SMOC1: variants seen among roughly 807,000 people sequenced by gnomAD.
The protein encoded by SMOC1 is SPARC related modular calcium binding 1, also known as SPARC-related modular calcium-binding protein 1.
SMOC1 carries 22 observed loss-of-function variants against 56.3 expected under a neutral mutation model. The observed-to-expected ratio is 0.39, with a 90% CI of 0.28 to 0.56. SMOC1 has a LOEUF of 0.56. Among genes scored for constraint, SMOC1 ranks in the 20% least tolerant of loss-of-function variants. The pLI is 0.61. For synonymous variants in SMOC1, 193 were observed against 215.0 expected (o/e 0.90, Z 0.89); for missense variants, 509 against 565.4 (o/e 0.90, Z 1.01).
intron 1 of SMOC1, among the ~76,000 whole-genome samples, chr14:69,915,313 C>A (rs1027927565): frequency 3.3e-5 from 5 of 152,218 alleles, no homozygotes; most frequent in Non-Finnish European, 7.3e-5. Context: ...CTACCCATGT[C>A]TGTGCCCTGA....
At chr14:69,896,193 A>G (rs1884095002) in intron 1 of SMOC1, among the ~76,000 whole-genome samples, 1 of 152,080 alleles carries the variant, frequency 6.6e-6, no homozygotes, top group African/African-American at 2.4e-5. Context: ...TTGTGAATGA[A>G]ATTCACCTCC....
intron 1 of SMOC1, among the ~76,000 whole-genome samples, chr14:69,936,419 T>C (rs1594811334): frequency 6.6e-6 from 1 of 152,260 alleles, no homozygotes; most frequent in African/African-American, 2.4e-5. Flanking sequence ...GTAATGCTAA[T>C]GACACTGTTG....
intron 3 of SMOC1, among the ~76,000 whole-genome samples, chr14:69,974,455 C>T (rs1273298050): frequency 6.6e-6 from 1 of 152,214 alleles, no homozygotes; most frequent in East Asian, 1.9e-4. Flanking sequence ...TTGGGAGCAT[C>T]AGAGGGTTCT....
intron 1 of SMOC1, among the ~76,000 whole-genome samples, chr14:69,913,109 A>G (rs1884596503): frequency 1.3e-5 from 2 of 152,168 alleles, no homozygotes; most frequent in Admixed American, 1.3e-4. Flanking sequence ...AAGGCCAGTG[A>G]GTGTGGGGGC....
At position 70,023,459 on chromosome 14, in the gene SMOC1, C is replaced by T; in HGVS notation, c.1291+12C>T. On this transcript the variant is annotated intron_variant, in intron 11 of 11. Coordinates refer to ENST00000361956, the MANE Select transcript of SMOC1 (RefSeq NM_001034852.3). ...TGTTAGCAAAGAAGGTGAGTGCTCTCCCCTGTGCTCCTGGCCTTTCAATAC... is the reference window on the plus strand; with the variant it reads ...TGTTAGCAAAGAAGGTGAGTGCTCTTCCCTGTGCTCCTGGCCTTTCAATAC... The T allele has an allele frequency of 6.2e-7, 1 of 1,613,818 alleles. No homozygotes were observed. Among genetic ancestry groups the T allele is most frequent in the East Asian group, 2.2e-5 (1 of 44,892 alleles).
intron 5 of SMOC1, among the ~76,000 whole-genome samples, chr14:69,990,920 G>A (rs1884544088): frequency 6.6e-6 from 1 of 152,152 alleles, no homozygotes; most frequent in South Asian, 2.1e-4. Context: ...GCTGGCCTCA[G>A]CCTCTAACAA....
chr14:69,947,178 G>A (rs1342381372), intron 1 of SMOC1, among the ~76,000 whole-genome samples: 1 of 128,080 alleles, frequency 7.8e-6, no homozygotes, highest in African/African-American at 3.0e-5. Flanking sequence ...TCTTTTCTTT[G>A]CTCCTTTCTT....
intron 1 of SMOC1, among the ~76,000 whole-genome samples, chr14:69,916,366 C>T (rs1884686847): frequency 6.6e-6 from 1 of 152,272 alleles, no homozygotes; most frequent in Non-Finnish European, 1.5e-5. Context: ...AGGATAACTG[C>T]AGTAGTTGCC....
chr14:69,937,883 G>A (rs1410880998), intron 1 of SMOC1, among the ~76,000 whole-genome samples: 2 of 152,120 alleles, frequency 1.3e-5, no homozygotes, highest in South Asian at 2.1e-4. Context: ...GGAAGCACAC[G>A]AGTTAAACAC....
intron 11 of SMOC1, among the ~76,000 whole-genome samples, chr14:70,023,776 A>G (rs2139616628): frequency 6.6e-6 from 1 of 152,070 alleles, no homozygotes; most frequent in Middle Eastern, 3.4e-3. Context: ...TTTCCCATAT[A>G]ATAGTTCAGC....
At chr14:69,971,640 G>C (rs2139490780) in intron 3 of SMOC1, among the ~76,000 whole-genome samples, 1 of 152,302 alleles carries the variant, frequency 6.6e-6, no homozygotes, top group African/African-American at 2.4e-5. Context: ...GAAAAAGGAA[G>C]GGTATTACTT....
chr14:69,998,752 T>C (rs778265047), intron 7 of SMOC1, among the ~76,000 whole-genome samples: 37 of 152,356 alleles, frequency 2.4e-4, no homozygotes, highest in South Asian at 8.3e-4. Context: ...GGCCCACCAC[T>C]CATTTCCTTC....
chr14:70,031,992 G>C lies in SMOC1; in HGVS notation c.*1734G>C, dbSNP rs911049578. 2.0e-5 allele frequency: 3 copies of C among 152,358 alleles called. No individual in the cohort carries two copies. The highest frequency in any genetic ancestry group is 7.2e-5 in the African/African-American group (3 of 41,468). The allele number at this position is 152,358 out of a possible 1,614,324, so 9.4% of individuals were successfully genotyped here. On this transcript the variant is annotated 3_prime_UTR_variant, in exon 12 of 12. Coordinates refer to ENST00000361956, the MANE Select transcript of SMOC1 (RefSeq NM_001034852.3). ...ACCTTCTCGGGACAGGATCTGATGG[G>C]GTCTTGGGCTAAAGGAGGTCCCTGC...
At chr14:69,926,667 C>T (rs145770922) in intron 1 of SMOC1, among the ~76,000 whole-genome samples, 263 of 152,306 alleles carry the variant, frequency 1.7e-3, no homozygotes, top group African/African-American at 6.1e-3. Context: ...TGCGAAACCA[C>T]GTTCCTTCCC....
chr14:70,023,805 G>T (rs898991756), intron 11 of SMOC1, among the ~76,000 whole-genome samples: 1 of 148,560 alleles, frequency 6.7e-6, no homozygotes, highest in Admixed American at 6.7e-5. Context: ...AGGTTGTAGG[G>T]TGTGTGTGTG....
At chr14:69,943,358 C>A (rs539871524) in intron 1 of SMOC1, among the ~76,000 whole-genome samples, 21 of 152,312 alleles carry the variant, frequency 1.4e-4, no homozygotes, top group African/African-American at 5.1e-4. Context: ...CGAGGCCCTT[C>A]TTTGCACCTG....
At chr14:69,993,565 G>A (rs1179186267) in intron 6 of SMOC1, among the ~76,000 whole-genome samples, 1 of 152,214 alleles carries the variant, frequency 6.6e-6, no homozygotes. Flanking sequence ...TAACACTGTG[G>A]CTATGGATGT....
Position 70,015,605 on chromosome 14 carries a change from C to T in SMOC1, c.1046+2114C>T, listed in dbSNP as rs115954428. ...TTTCTGGCTGTGGCTCTGTTTCTGC[C>T]GCCCCTGTGGGTGGGGGCCAGGCCT... On this transcript the variant is annotated intron_variant, in intron 10 of 11. Coordinates refer to ENST00000361956, the MANE Select transcript of SMOC1 (RefSeq NM_001034852.3). Among the ~76,000 whole-genome samples the T allele has an allele frequency of 2.2e-3, 329 of 152,170 alleles. 2 individuals are homozygous for T. The highest frequency in any genetic ancestry group is 6.9e-3 in the African/African-American group (288 of 41,540).
chr14:69,973,629 C>T (rs575452333), intron 3 of SMOC1, among the ~76,000 whole-genome samples: 10 of 152,298 alleles, frequency 6.6e-5, no homozygotes, highest in South Asian at 4.1e-4. Context: ...GCAGGAGCTG[C>T]GGGAAATGCC....
Sources: allele counts gnomAD v4.1 joint callset (sites outside exome capture counted in the v4.1 genomes callset), GRCh38; gene constraint gnomAD v4.1.1; transcripts MANE v1.5; gene names NCBI Gene and HGNC (gene_info 2026-07-23, HGNC 2026-07-21).